PCDH9: variants seen among roughly 807,000 people sequenced by gnomAD.
The protein encoded by PCDH9 is protocadherin 9, also known as protocadherin-9.
A neutral mutation model predicts 70.6 loss-of-function variants in PCDH9; 24 were observed. The ratio of observed to expected loss-of-function variants is 0.34; its 90% CI spans 0.25 to 0.48. The LOEUF is 0.48. Ranked by LOEUF, PCDH9 falls within the 20% of genes least tolerant of loss-of-function variation. PCDH9 has a pLI of 0.99. For synonymous variants in PCDH9, 562 were observed against 558.5 expected (o/e 1.01, Z -0.09); for missense variants, 1,281 against 1,503.6 (o/e 0.85, Z 2.45).
chr13:66,477,222 G>A (rs1386214890), intron 4 of PCDH9, among the ~76,000 whole-genome samples: 1 of 152,076 alleles, frequency 6.6e-6, no homozygotes, highest in Non-Finnish European at 1.5e-5. Flanking sequence ...CATACCTGAA[G>A]GGTCTGGATG....
In PCDH9 at chr13:66,501,233, C is replaced by T. The variant is rs117959615; in HGVS notation, c.3340+129977G>A. Among the ~76,000 whole-genome samples the T allele has an allele frequency of 7.0e-3, 1,063 of 152,114 alleles. 33 individuals carry two copies. The East Asian group carries it at 0.091, about 13-fold the overall frequency. Reference sequence around the variant, plus strand: ...TTTTGAAATTGATACTTGTCAAGTTCTTGCACTGCTTTCCTGTGAGGGGAA... The same window carrying T: ...TTTTGAAATTGATACTTGTCAAGTTTTTGCACTGCTTTCCTGTGAGGGGAA... On this transcript the variant is annotated intron_variant, in intron 4 of 4. Coordinates refer to ENST00000377865, the MANE Select transcript of PCDH9 (RefSeq NM_203487.3).
chr13:66,968,991 G>GGAAC (rs1566328118), intron 2 of PCDH9, among the ~76,000 whole-genome samples: 1 of 151,994 alleles, frequency 6.6e-6, no homozygotes, highest in Non-Finnish European at 1.5e-5. Flanking sequence ...AAGTATCACT[G>GGAAC]GAACCCTTTA....
chr13:66,815,899 A>G (rs1594097052), intron 3 of PCDH9, among the ~76,000 whole-genome samples: 1 of 152,162 alleles, frequency 6.6e-6, no homozygotes, highest in East Asian at 1.9e-4. Context: ...CTGTACATGC[A>G]CCCCGAACCT....
intron 3 of PCDH9, among the ~76,000 whole-genome samples, chr13:66,864,075 T>C (rs2081530184): frequency 6.6e-6 from 1 of 152,000 alleles, no homozygotes; most frequent in Admixed American, 6.6e-5. Flanking sequence ...TCATTACCTA[T>C]CACGGAGGTA....
chr13:66,624,337 A>G (rs2077471549), intron 4 of PCDH9, among the ~76,000 whole-genome samples: 1 of 152,244 alleles, frequency 6.6e-6, no homozygotes, highest in African/African-American at 2.4e-5. Context: ...CTTCTTAAGT[A>G]AATATGATTT....
chr13:66,839,122 T>C (rs2081073179), intron 3 of PCDH9, among the ~76,000 whole-genome samples: 1 of 151,892 alleles, frequency 6.6e-6, no homozygotes, highest in African/African-American at 2.4e-5. Context: ...TTCAACATAC[T>C]GATGTTCAAA....
At chr13:66,312,338 T>C (rs551965689) in intron 4 of PCDH9, among the ~76,000 whole-genome samples, 11 of 152,290 alleles carry the variant, frequency 7.2e-5, no homozygotes, top group African/African-American at 2.6e-4. Flanking sequence ...AGCAAAGAAA[T>C]GATAAATCAA....
In PCDH9 at chr13:66,664,935, G is replaced by T. The variant is rs73497755; in HGVS notation, c.3139-33524C>A. ...ACTTTCCTAAGGCATAGATAAAACA[G>T]ACCCTGTCCTGCTAGTCCCTACATA... On this transcript the variant is annotated intron_variant, in intron 3 of 4. Transcript: ENST00000377865. Among the ~76,000 whole-genome samples the T allele has an allele frequency of 6.8e-3, 1,032 of 152,096 alleles. 12 individuals carry two copies. Among genetic ancestry groups the T allele is most frequent in the African/African-American group, 0.023 (971 of 41,506 alleles).
At chr13:66,606,400 T>C (rs2077223172) in intron 4 of PCDH9, among the ~76,000 whole-genome samples, 3 of 152,068 alleles carry the variant, frequency 2.0e-5, no homozygotes, top group Admixed American at 6.6e-5. Flanking sequence ...GAGAAGCTCA[T>C]AGGTAGATTA....
chr13:67,102,521 A>G (rs1424656300), intron 2 of PCDH9, among the ~76,000 whole-genome samples: 1 of 152,108 alleles, frequency 6.6e-6, no homozygotes, highest in East Asian at 1.9e-4. Context: ...ATGAATGAAA[A>G]CACTTTCAAA....
intron 2 of PCDH9, among the ~76,000 whole-genome samples, chr13:67,123,861 T>G (rs1463443614): frequency 6.6e-6 from 1 of 151,684 alleles, no homozygotes; most frequent in Non-Finnish European, 1.5e-5. Context: ...AGTCTGTTAT[T>G]TGCATGTATA....
chr13:66,385,081 T>A (rs1403103543), intron 4 of PCDH9, among the ~76,000 whole-genome samples: 1 of 152,176 alleles, frequency 6.6e-6, no homozygotes, highest in Non-Finnish European at 1.5e-5. Flanking sequence ...CATTTTTTTT[T>A]AAGATTTCAT....
At chr13:66,336,658 T>C (rs1956042934) in intron 4 of PCDH9, among the ~76,000 whole-genome samples, 1 of 152,076 alleles carries the variant, frequency 6.6e-6, no homozygotes, top group Non-Finnish European at 1.5e-5. Flanking sequence ...TGGATATAAT[T>C]AGGTTGAAGT....
At chr13:66,763,013 A>G (rs186403860) in intron 3 of PCDH9, among the ~76,000 whole-genome samples, 1 of 152,042 alleles carries the variant, frequency 6.6e-6, no homozygotes, top group Non-Finnish European at 1.5e-5. Context: ...GGAATGCAAT[A>G]GCTATTGGAA....
chr13:66,691,559 T>C (rs1164784386), intron 3 of PCDH9, among the ~76,000 whole-genome samples: 1 of 152,102 alleles, frequency 6.6e-6, no homozygotes, highest in Non-Finnish European at 1.5e-5. Context: ...ATTTTAACTT[T>C]TAATGTGATA....
intron 2 of PCDH9, among the ~76,000 whole-genome samples, chr13:67,077,929 A>G (rs568938204): frequency 6.6e-6 from 1 of 152,208 alleles, no homozygotes; most frequent in African/African-American, 2.4e-5. Context: ...ATTTCTACAT[A>G]CAAGTCTAAA....
intron 1 of PCDH9, among the ~76,000 whole-genome samples, chr13:67,229,127 C>T (rs1187373894): frequency 6.6e-6 from 1 of 151,886 alleles, no homozygotes. Flanking sequence ...GCCGCTGCAG[C>T]GGCATCAGAA....
At chr13:66,947,379 A>G (rs1470125221) in intron 2 of PCDH9, among the ~76,000 whole-genome samples, 5 of 152,172 alleles carry the variant, frequency 3.3e-5, no homozygotes, top group Admixed American at 1.3e-4. Context: ...ACTGTAAAAA[A>G]TAATCTTTTC....
chr13:66,943,567 C>G (rs1237969998), intron 2 of PCDH9, among the ~76,000 whole-genome samples: 1 of 151,976 alleles, frequency 6.6e-6, no homozygotes. Context: ...TAGACTGAAA[C>G]AAAATTACTC....
Sources: allele counts gnomAD v4.1 joint callset (sites outside exome capture counted in the v4.1 genomes callset), GRCh38; gene constraint gnomAD v4.1.1; transcripts MANE v1.5; gene names NCBI Gene and HGNC (gene_info 2026-07-23, HGNC 2026-07-21).